Variants in PGM2L1 observed in about 807,000 individuals in gnomAD.
PGM2L1 encodes the protein phosphoglucomutase 2 like 1.
A neutral mutation model predicts 73.4 loss-of-function variants in PGM2L1; 35 were observed. The ratio of observed to expected loss-of-function variants is 0.48; its 90% CI spans 0.36 to 0.63. PGM2L1 has a LOEUF of 0.63. Ranked by LOEUF, PGM2L1 falls within the 30% of genes least tolerant of loss-of-function variation. PGM2L1 has a pLI of 0.00. For synonymous variants in PGM2L1, 225 were observed against 253.8 expected, an observed-to-expected ratio of 0.89 and a Z score of 1.08; for missense variants, 570 against 742.0, an observed-to-expected ratio of 0.77 and a Z score of 2.69.
intron 4 of PGM2L1, among the ~76,000 whole-genome samples, chr11:74,370,084 T>G (rs1402655801): frequency 6.6e-6 from 1 of 152,190 alleles, no homozygotes; most frequent in Admixed American, 6.5e-5. Flanking sequence ...TAAAGTACTT[T>G]AGTTATCAAT....
chr11:74,369,235 T>G, intron 4 of PGM2L1, among the ~76,000 whole-genome samples: 1 of 152,306 alleles, frequency 6.6e-6, no homozygotes, highest in African/African-American at 2.4e-5. Flanking sequence ...GCAAAACATG[T>G]GGCTCTATTG....
intron 5 of PGM2L1, among the ~76,000 whole-genome samples, chr11:74,365,590 A>T (rs1284637272): frequency 2.0e-5 from 3 of 152,242 alleles, no homozygotes; most frequent in Non-Finnish European, 2.9e-5. Context: ...ACATTTATGC[A>T]GCCAACAGAC....
intron 13 of PGM2L1, among the ~76,000 whole-genome samples, chr11:74,337,378 G>T (rs1050250083): frequency 2.6e-5 from 4 of 152,066 alleles, no homozygotes; most frequent in Non-Finnish European, 4.4e-5. Context: ...TACCCAATTT[G>T]GTTTACTTTA....
intron 1 of PGM2L1, among the ~76,000 whole-genome samples, chr11:74,393,789 T>C (rs1863136623): frequency 6.6e-6 from 1 of 152,178 alleles, no homozygotes; most frequent in Non-Finnish European, 1.5e-5. Flanking sequence ...CTCTAGCCTG[T>C]GTCCCAGCTC....
intron 1 of PGM2L1, among the ~76,000 whole-genome samples, chr11:74,374,826 G>A (rs908191115): frequency 6.6e-6 from 1 of 152,140 alleles, no homozygotes; most frequent in Non-Finnish European, 1.5e-5. Context: ...GCATATCAAA[G>A]AATGTTCTTT....
rs539567335 is a variant in PGM2L1, at chr11:74,354,670, C to G, written c.556-3094G>C. Reference sequence around the variant, plus strand: ...GGATGCAGCCATGAATGCAGGGCCACACAAGGTGGATGGAAGAGTTGTGGA... The same window carrying G: ...GGATGCAGCCATGAATGCAGGGCCAGACAAGGTGGATGGAAGAGTTGTGGA... On this transcript the variant is annotated intron_variant, in intron 5 of 13. Transcript: ENST00000298198. 103 of 1,131,636 alleles carry G rather than the reference C, an allele frequency of 9.1e-5. No homozygotes were observed. The African/African-American group carries it at 1.5e-3, about 16-fold the overall frequency. The allele number at this position is 1,131,636 out of a possible 1,614,324, so 70.1% of individuals were successfully genotyped here.
intron 1 of PGM2L1, among the ~76,000 whole-genome samples, chr11:74,389,258 TACAAA>T (rs1045514818): frequency 6.6e-6 from 1 of 152,104 alleles, no homozygotes; most frequent in Admixed American, 6.6e-5. Context: ...CCTGTTTCTC[TACAAA>T]ACAAAACAAA....
At chr11:74,389,334 T>C (rs1423060142) in intron 1 of PGM2L1, among the ~76,000 whole-genome samples, 1 of 152,226 alleles carries the variant, frequency 6.6e-6, no homozygotes. Flanking sequence ...ATTCAATGTA[T>C]CTCACAAGTA....
chr11:74,356,725 A>T (rs1862462129), intron 5 of PGM2L1, among the ~76,000 whole-genome samples: 1 of 152,252 alleles, frequency 6.6e-6, no homozygotes. Context: ...GTTCCCATAA[A>T]TCAATAAGAA....
chr11:74,371,878 A>T, intron 2 of PGM2L1, 61 bp from the exon 3 acceptor site: 1 of 1,373,462 alleles, frequency 7.3e-7, no homozygotes, highest in Non-Finnish European at 1.0e-6. Context: ...TATGACTCAG[A>T]ATCTCTTATT....
intron 1 of PGM2L1, 89 bp from the exon 2 acceptor site, chr11:74,374,671 C>T (rs1732038068): frequency 1.9e-6 from 2 of 1,077,588 alleles, no homozygotes; most frequent in Non-Finnish European, 2.7e-6. Context: ...GTACATATCA[C>T]AAGGTTCAAC....
At position 74,331,727 on chromosome 11, in the gene PGM2L1, A is replaced by T. The variant is rs1185196664; in HGVS notation, c.*4925T>A. ...AGATTAAACATATCATTTTTATATTAAAAGTTTTATTATAAAGAATGCAAA... is the reference window on the plus strand; with the variant it reads ...AGATTAAACATATCATTTTTATATTTAAAGTTTTATTATAAAGAATGCAAA... On this transcript the variant is annotated 3_prime_UTR_variant, in exon 14 of 14. Coordinates refer to ENST00000298198, the MANE Select transcript of PGM2L1 (RefSeq NM_173582.6). The T allele has an allele frequency of 6.6e-6, 1 of 152,210 alleles. No individual in the cohort carries two copies. The highest frequency in any genetic ancestry group is 1.5e-5 in the Non-Finnish European group (1 of 68,036). The allele number at this position is 152,210 out of a possible 1,614,324, so 9.4% of individuals were successfully genotyped here. A position where few individuals can be genotyped will look rare whatever the true frequency, so the allele number is the denominator to read the frequency against.
intron 1 of PGM2L1, among the ~76,000 whole-genome samples, chr11:74,384,469 G>A (rs1194743094): frequency 6.6e-6 from 1 of 151,864 alleles, no homozygotes; most frequent in Non-Finnish European, 1.5e-5. Flanking sequence ...GCCCTTGCCG[G>A]TCAGTTTGCA....
intron 6 of PGM2L1, among the ~76,000 whole-genome samples, chr11:74,348,561 C>T (rs907517641): frequency 1.3e-5 from 2 of 152,054 alleles, no homozygotes; most frequent in Non-Finnish European, 2.9e-5. Flanking sequence ...CCTCTAATAC[C>T]GTATCTGTGT....
chr11:74,340,319 T>C (rs888362794), intron 12 of PGM2L1, among the ~76,000 whole-genome samples: 38 of 152,212 alleles, frequency 2.5e-4, no homozygotes, highest in African/African-American at 8.9e-4. Flanking sequence ...AAAAGCATTA[T>C]ACCATAGGCT....
chr11:74,340,702 C>T (rs1412580262), intron 12 of PGM2L1, among the ~76,000 whole-genome samples: 1 of 152,118 alleles, frequency 6.6e-6, no homozygotes, highest in African/African-American at 2.4e-5. Context: ...CAAAAAAGTA[C>T]ATCAGAAAGG....
At chr11:74,338,716 T>C in intron 12 of PGM2L1, 115 bp from the exon 13 acceptor site, 1 of 1,277,556 alleles carries the variant, frequency 7.8e-7, no homozygotes, top group Non-Finnish European at 1.1e-6. Context: ...GTCGTCAAAT[T>C]TACAGAAATA....
chr11:74,362,845 C>G (rs1487825569), intron 5 of PGM2L1, among the ~76,000 whole-genome samples: 2 of 152,176 alleles, frequency 1.3e-5, no homozygotes, highest in Non-Finnish European at 2.9e-5. Flanking sequence ...AGAAAGTTAA[C>G]AAGGATAGCC....
At chr11:74,388,273 C>T (rs983156901) in intron 1 of PGM2L1, among the ~76,000 whole-genome samples, 1 of 152,000 alleles carries the variant, frequency 6.6e-6, no homozygotes, top group Non-Finnish European at 1.5e-5. Context: ...ATATTGAATA[C>T]TGGAAAATCT....
Sources: gnomAD v4.1 joint callset for allele counts (sites outside exome capture counted in the v4.1 genomes callset) on GRCh38, gnomAD v4.1.1 for gene constraint, MANE v1.5 for transcripts, NCBI Gene and HGNC (gene_info 2026-07-23, HGNC 2026-07-21) for gene names.